The following RIMS1 variants were observed in gnomAD, a reference collection of about 807,000 sequenced individuals.
RIMS1 encodes regulating synaptic membrane exocytosis 1.
Under a neutral mutation model 214.1 loss-of-function variants are expected in RIMS1, and 83 were observed. That is an observed-to-expected ratio of 0.39 (90% CI 0.32 to 0.47). The LOEUF is 0.47. Among genes scored for constraint, RIMS1 ranks in the 20% least tolerant of loss-of-function variants. The probability of loss-of-function intolerance (pLI) is 0.99; values close to 1 mark genes in which losing one functional copy is unlikely to be tolerated. For synonymous variants in RIMS1, 793 were observed against 786.8 expected, an observed-to-expected ratio of 1.01 and a Z score of -0.13; for missense variants, 2,050 against 2,161.8, an observed-to-expected ratio of 0.95 and a Z score of 1.03.
Position 72,402,024 on chromosome 6 carries a change from A to G in RIMS1, c.*1310A>G, listed in dbSNP as rs191038983. 1.5e-4 allele frequency: 23 copies of G among 152,622 alleles called. 1 individual carries two copies. Among genetic ancestry groups the G allele is most frequent in the Admixed American group, 1.3e-3 (20 of 15,302 alleles). The allele number at this position is 152,622 out of a possible 1,614,324, so 9.5% of individuals were successfully genotyped here. Reference sequence around the variant, plus strand: ...GAATTTCCCTTGTGACATTCTGTACATGTGCTACAAACTGCAGTCTCTGCA... The same window carrying G: ...GAATTTCCCTTGTGACATTCTGTACGTGTGCTACAAACTGCAGTCTCTGCA... On this transcript the variant is annotated 3_prime_UTR_variant, in exon 34 of 34. Coordinates refer to ENST00000521978, the MANE Select transcript of RIMS1 (RefSeq NM_014989.7).
chr6:72,198,410 C>T (rs2051357577), intron 6 of RIMS1, among the ~76,000 whole-genome samples: 1 of 151,912 alleles, frequency 6.6e-6, no homozygotes, highest in Admixed American at 6.6e-5. Context: ...AGAAAGCAAA[C>T]ATCATATACT....
At chr6:72,043,185 C>A (rs1289496836) in intron 2 of RIMS1, among the ~76,000 whole-genome samples, 2 of 151,048 alleles carry the variant, frequency 1.3e-5, no homozygotes, top group Non-Finnish European at 3.0e-5. Flanking sequence ...CACACGCCTG[C>A]AAGATCACTT....
At chr6:72,125,937 C>T (rs537737330) in intron 4 of RIMS1, among the ~76,000 whole-genome samples, 51 of 152,284 alleles carry the variant, frequency 3.3e-4, no homozygotes, top group Non-Finnish European at 6.3e-4. Flanking sequence ...TGACCCCTTG[C>T]GCTTCCTGGG....
At chr6:72,213,223 G>C (rs560702162) in intron 6 of RIMS1, 36 of 1,535,362 alleles carry the variant, frequency 2.3e-5, no homozygotes, top group South Asian at 2.0e-4. Flanking sequence ...GCAGTTGCTG[G>C]TAAGCAATAG....
At chr6:72,324,059 GATA>G (rs1449115150) in intron 28 of RIMS1, among the ~76,000 whole-genome samples, 2 of 151,764 alleles carry the variant, frequency 1.3e-5, no homozygotes, top group Non-Finnish European at 2.9e-5. Context: ...TAGATAGATA[GATA>G]GATAGATAGA....
In RIMS1 at chr6:71,887,090, C is replaced by G; in HGVS notation, c.67C>G (p.Pro23Ala). The G allele has an allele frequency of 6.2e-7, 1 of 1,613,622 alleles. No individual in the cohort carries two copies. The highest frequency in any genetic ancestry group is 1.3e-5 in the African/African-American group (1 of 75,044). Residue 23 changes from proline (P) to alanine (A), a missense_variant, in exon 1 of 34, where the codon CCC (proline) becomes GCC (alanine). Around this residue, in one of 6 missense-constraint regions of RIMS1, gnomAD observed 882 missense variants for 828.9 expected, o/e 1.06. Transcript: ENST00000521978. The stretch of plus-strand genomic sequence containing the variant: ...GGTGCCTCCCCCCATGCAAGAGCTG[C>G]CCGACCTGAGCCACCTGACCGAAGA... ...PTVPPPMQEL[P>A]DLSHLTEEER...
intron 31 of RIMS1, among the ~76,000 whole-genome samples, chr6:72,393,489 C>T (rs1156916801): frequency 6.6e-6 from 1 of 152,122 alleles, no homozygotes; most frequent in African/African-American, 2.4e-5. Flanking sequence ...CTTTGGGAGG[C>T]CGAGACAGGC....
At chr6:72,197,397 G>T (rs1046301672) in intron 6 of RIMS1, among the ~76,000 whole-genome samples, 3 of 152,042 alleles carry the variant, frequency 2.0e-5, no homozygotes, top group African/African-American at 7.2e-5. Flanking sequence ...AAGAGCAGAA[G>T]AATGCTTAAA....
At chr6:72,189,991 G>A (rs2049792092) in intron 6 of RIMS1, among the ~76,000 whole-genome samples, 1 of 152,182 alleles carries the variant, frequency 6.6e-6, no homozygotes, top group African/African-American at 2.4e-5. Flanking sequence ...TTCCAGTCAT[G>A]CTTCTTCCAA....
intron 6 of RIMS1, among the ~76,000 whole-genome samples, chr6:72,211,995 TC>T (rs2053893249): frequency 6.6e-6 from 1 of 152,142 alleles, no homozygotes; most frequent in Non-Finnish European, 1.5e-5. Flanking sequence ...CCTCTCAGAT[TC>T]ATTTTGAAGC....
At chr6:71,988,457 G>T (rs867524099) in intron 2 of RIMS1, among the ~76,000 whole-genome samples, 1 of 151,980 alleles carries the variant, frequency 6.6e-6, no homozygotes, top group Non-Finnish European at 1.5e-5. Context: ...AAAAAAACTT[G>T]TGTGTTCTCA....
intron 28 of RIMS1, among the ~76,000 whole-genome samples, chr6:72,329,107 G>A (rs913715957): frequency 3.3e-5 from 5 of 151,888 alleles, no homozygotes; most frequent in African/African-American, 1.2e-4. Flanking sequence ...CTGTGCTGTT[G>A]CCTCTTGAGG....
At chr6:72,053,033 T>A (rs975236945) in intron 2 of RIMS1, among the ~76,000 whole-genome samples, 3 of 152,192 alleles carry the variant, frequency 2.0e-5, no homozygotes, top group Non-Finnish European at 4.4e-5. Flanking sequence ...GATAGCCTCA[T>A]ACTTCCTGAA....
At chr6:72,376,624 G>C (rs1413030661) in intron 29 of RIMS1, among the ~76,000 whole-genome samples, 3 of 151,980 alleles carry the variant, frequency 2.0e-5, no homozygotes, top group Non-Finnish European at 4.4e-5. Flanking sequence ...TTGCATGCCT[G>C]TAGTCCCAGC....
rs1366766094 is a variant in RIMS1, at chr6:72,246,010, T to G, written c.2128+149T>G. 7 of 572,010 alleles carry G rather than the reference T, an allele frequency of 1.2e-5. No individual in the cohort carries two copies. In the South Asian group the frequency reaches 1.4e-4, roughly 11 times the overall value. The allele number at this position is 572,010 out of a possible 1,614,324, so 35.4% of individuals were successfully genotyped here. A position where few individuals can be genotyped will look rare whatever the true frequency, so the allele number is the denominator to read the frequency against. On this transcript the variant is annotated intron_variant, in intron 11 of 33. Coordinates refer to ENST00000521978, the MANE Select transcript of RIMS1 (RefSeq NM_014989.7). ...TACTAGATGTTGGCAATGATGGCAA[T>G]AACTGGAAATCCAAAGAAGTCCTAC...
rs140314635 is a variant in RIMS1, at chr6:72,335,759, G to C, written c.4366+1924G>C. ...GTTGTTTCCTGACTTTATAATGATT[G>C]CCATTCTAAATGGTGTGAGATGGTA... On this transcript the variant is annotated intron_variant, in intron 29 of 33. Coordinates refer to ENST00000521978, the MANE Select transcript of RIMS1 (RefSeq NM_014989.7). 6.1e-4 allele frequency among the ~76,000 whole-genome samples: 93 copies of C among 152,010 alleles called. 1 individual carries two copies. The East Asian group carries it at 0.016, about 27-fold the overall frequency.
chr6:72,013,923 C>A (rs1175542486), intron 2 of RIMS1, among the ~76,000 whole-genome samples: 1 of 152,150 alleles, frequency 6.6e-6, no homozygotes, highest in African/African-American at 2.4e-5. Context: ...CACTAATCTA[C>A]TTTCTGTCTC....
Position 72,182,339 on chromosome 6 carries a change from C to T in RIMS1, c.868C>T (p.Arg290Trp), listed in dbSNP as rs200278023. ...QNGKGALKSE[R>W]KRVPKTSAQP... is the part of the protein sequence containing the mutation. ...TGGCAAAGGAGCCCTGAAGAGCGAG[C>T]GGAAACGCGTGCCAAAGACCTCAGC... is the stretch of plus-strand genomic sequence containing the variant. The change falls in exon 6 of 34, where the codon CGG becomes TGG. Residue 290 changes from arginine (R) to tryptophan (W), a missense_variant. Physicochemically the swap from Arg to Trp is moderately radical, Grantham distance 101 (BLOSUM62 -3). This residue lies in a region of RIMS1 where 882 missense variants were observed against 828.9 expected (regional missense o/e 1.06). Transcript: ENST00000521978. The T allele has an allele frequency of 6.2e-7, 1 of 1,612,602 alleles. No individual in the cohort carries two copies. Among genetic ancestry groups the T allele is most frequent in the East Asian group, 2.2e-5 (1 of 44,864 alleles).
chr6:71,889,335 G>A (rs923382149), intron 1 of RIMS1, among the ~76,000 whole-genome samples: 1 of 152,176 alleles, frequency 6.6e-6, no homozygotes, highest in Non-Finnish European at 1.5e-5. Context: ...GCTTATATGG[G>A]CAAATAAAAA....
Sources: allele counts gnomAD v4.1 joint callset (sites outside exome capture counted in the v4.1 genomes callset), GRCh38; gene constraint gnomAD v4.1.1; regional missense constraint gnomAD v4.1.1; transcripts MANE v1.5; gene names NCBI Gene and HGNC (gene_info 2026-07-23, HGNC 2026-07-21).